ZFP3: variants seen among roughly 807,000 people sequenced by gnomAD.
ZFP3 encodes the protein ZFP3 zinc finger protein.
Under a neutral mutation model 36.7 loss-of-function variants are expected in ZFP3, and 18 were observed. That is an observed-to-expected ratio of 0.49 (90% CI 0.34 to 0.73). The LOEUF is 0.73. ZFP3 is among the 30% of genes least tolerant of loss of function. The pLI is 0.01. For synonymous variants in ZFP3, 218 were observed against 199.0 expected (o/e 1.10, Z -0.81); for missense variants, 495 against 599.0 (o/e 0.83, Z 1.81).
chr17:5,090,059 ATAAG>A (rs549102445), intron 1 of ZFP3, among the ~76,000 whole-genome samples: 71 of 152,370 alleles, frequency 4.7e-4, no homozygotes, highest in African/African-American at 1.5e-3. Context: ...TGCTATATAT[ATAAG>A]TAATAGCCAG....
At position 5,091,934 on chromosome 17, in the gene ZFP3, A is replaced by G. The variant is rs1567750128; in HGVS notation, c.430A>G (p.Lys144Glu). ...SSVGEKPHTC[K>E]ECGKAFNQNS... ...TGTGGGAGAAAAGCCTCATACATGT[A>G]AAGAATGTGGGAAAGCCTTTAATCA... is the stretch of plus-strand genomic sequence containing the variant. Residue 144 changes from lysine (K) to glutamate (E), a missense_variant, in exon 2 of 2, where the codon AAA becomes GAA. Physicochemically the swap from Lys to Glu is moderately conservative, Grantham distance 56 (BLOSUM62 1). Transcript: ENST00000318833. 1 of 1,614,212 alleles carries G rather than the reference A, an allele frequency of 6.2e-7. No homozygotes were observed. Among genetic ancestry groups the G allele is most frequent in the Non-Finnish European group, 8.5e-7 (1 of 1,180,036 alleles).
At chr17:5,079,147 T>A (rs1236940460) in intron 1 of ZFP3, among the ~76,000 whole-genome samples, 1 of 152,216 alleles carries the variant, frequency 6.6e-6, no homozygotes, top group African/African-American at 2.4e-5. Flanking sequence ...TTACAAACAG[T>A]TATCGACACC....
At chr17:5,088,267 G>A (rs2072131042) in intron 1 of ZFP3, among the ~76,000 whole-genome samples, 4 of 152,038 alleles carry the variant, frequency 2.6e-5, no homozygotes, top group Admixed American at 2.6e-4. Flanking sequence ...CAAATTGAGT[G>A]AGATCTGGGC....
At chr17:5,089,136 C>T (rs1427144186) in intron 1 of ZFP3, among the ~76,000 whole-genome samples, 1 of 152,096 alleles carries the variant, frequency 6.6e-6, no homozygotes. Flanking sequence ...GGTTTGGCCT[C>T]GTATAATAAT....
intron 1 of ZFP3, among the ~76,000 whole-genome samples, chr17:5,090,172 T>C (rs951184465): frequency 2.6e-5 from 4 of 152,216 alleles, no homozygotes; most frequent in Non-Finnish European, 5.9e-5. Context: ...AAATTTATAC[T>C]AAAGTTTACT....
chr17:5,092,057 C>A lies in ZFP3; in HGVS notation c.553C>A (p.Arg185=), dbSNP rs202200107. ...GKTFGTNSSL[R]RHLRIHAGEK... Reference sequence around the variant, plus strand: ...GACATTTGGAACTAATTCAAGCCTTCGACGGCACCTGAGAATTCATGCTGG... The same window carrying A: ...GACATTTGGAACTAATTCAAGCCTTAGACGGCACCTGAGAATTCATGCTGG... The change falls in exon 2 of 2, where the codon CGA becomes AGA. Residue 185 remains arginine (R), a synonymous_variant. Transcript: ENST00000318833. This position sits in a 1 kb window ranked among gnomAD's most constrained non-coding sequence, Gnocchi z 5.0. 1 of 1,614,016 alleles carries A rather than the reference C, an allele frequency of 6.2e-7. No individual in the cohort carries two copies. The highest frequency in any genetic ancestry group is 1.7e-5 in the Admixed American group (1 of 60,000).
At position 5,091,478 on chromosome 17, in the gene ZFP3, C is replaced by T. The variant is rs147555112; in HGVS notation, c.-8-19C>T. On this transcript the variant is annotated intron_variant, in intron 1 of 1. Coordinates refer to ENST00000318833, the MANE Select transcript of ZFP3 (RefSeq NM_153018.3). Reference sequence around the variant, plus strand: ...AAATATGATACGGTCCCTTCACATACTTACCTCTCTCATTTCAGATTGTGA... The same window carrying T: ...AAATATGATACGGTCCCTTCACATATTTACCTCTCTCATTTCAGATTGTGA... The T allele has an allele frequency of 6.5e-5, 104 of 1,606,696 alleles. No homozygotes were observed. In the African/African-American group the frequency reaches 1.2e-3, roughly 18 times the overall value.
Position 5,092,222 on chromosome 17 carries a change from C to G in ZFP3, c.718C>G (p.Leu240Val). 1 of 1,614,100 alleles carries G rather than the reference C, an allele frequency of 6.2e-7. No homozygotes were observed. The highest frequency in any genetic ancestry group is 8.5e-7 in the Non-Finnish European group (1 of 1,180,024). ...TAAAGCCTTCAGTCAAAATTCAGCC[C>G]TTATTCTACACCAGAGAATCCATAC... is the stretch of plus-strand genomic sequence containing the variant. ...CGKAFSQNSA[L>V]ILHQRIHTGE... The change falls in exon 2 of 2, where the codon CTT (leucine) becomes GTT (valine). Residue 240 changes from leucine (L) to valine (V), a missense_variant. Transcript: ENST00000318833. This position sits in a 1 kb window ranked among gnomAD's most constrained non-coding sequence, Gnocchi z 5.0.
chr17:5,096,032 T>C lies in ZFP3; in HGVS notation c.*3019T>C, dbSNP rs2072179832. 1 of 167,052 alleles carries C rather than the reference T, an allele frequency of 6.0e-6. No individual in the cohort carries two copies. Among genetic ancestry groups the C allele is most frequent in the Admixed American group, 6.5e-5 (1 of 15,270 alleles). The allele number at this position is 167,052 out of a possible 1,614,324, so 10.3% of individuals were successfully genotyped here. A position where few individuals can be genotyped will look rare whatever the true frequency, so the allele number is the denominator to read the frequency against. ...CATATACGCAAATCCTTAACCTCAA[T>C]TCTCTGTCCTCTTCATGTCTTACCC... is the stretch of plus-strand genomic sequence containing the variant. On this transcript the variant is annotated 3_prime_UTR_variant, in exon 2 of 2. Transcript: ENST00000318833.
chr17:5,082,386 C>T (rs1452406065), intron 1 of ZFP3, among the ~76,000 whole-genome samples: 3 of 152,062 alleles, frequency 2.0e-5, no homozygotes, highest in Non-Finnish European at 4.4e-5. Flanking sequence ...AAAGACACCA[C>T]TCACGCATCT....
At position 5,094,996 on chromosome 17, in the gene ZFP3, C is replaced by G. The variant is rs1275314904; in HGVS notation, c.*1983C>G. On this transcript the variant is annotated 3_prime_UTR_variant, in exon 2 of 2. Coordinates refer to ENST00000318833, the MANE Select transcript of ZFP3 (RefSeq NM_153018.3). ...AAGAGCGACAGCCAAGACTCCAAAC[C>G]TGGTTGATGCTCTTAACCACTGTGC... The G allele has an allele frequency of 6.0e-6, 1 of 167,122 alleles. No individual in the cohort carries two copies. Among genetic ancestry groups the G allele is most frequent in the African/African-American group, 2.4e-5 (1 of 41,458 alleles). 10.4% of individuals were successfully genotyped at this position (167,122 alleles called of 1,614,324 possible).
rs2072171990 is a variant in ZFP3, at chr17:5,094,833, C to T, written c.*1820C>T. The T allele has an allele frequency of 6.0e-6, 1 of 166,986 alleles. No individual in the cohort carries two copies. The highest frequency in any genetic ancestry group is 2.4e-5 in the African/African-American group (1 of 41,426). 10.3% of individuals were successfully genotyped at this position (166,986 alleles called of 1,614,324 possible). The stretch of plus-strand genomic sequence containing the variant: ...GGTATAATTTACGTACTATAAAATT[C>T]ACCTGTTTTAAGTGTTCAGTTGAAT... On this transcript the variant is annotated 3_prime_UTR_variant, in exon 2 of 2. Coordinates refer to ENST00000318833, the MANE Select transcript of ZFP3 (RefSeq NM_153018.3).
intron 1 of ZFP3, among the ~76,000 whole-genome samples, chr17:5,081,517 C>A (rs2072093266): frequency 6.6e-6 from 1 of 152,196 alleles, no homozygotes; most frequent in African/African-American, 2.4e-5. Context: ...TATGAGTGAT[C>A]TGCTTAAGAA....
Position 5,092,371 on chromosome 17 carries a change from C to T in ZFP3, c.867C>T (p.Ala289=). ...ATGAATGCAATGAGTGTGGCAAAGC[C>T]TTCAAGCATAGCTCAGGCCTTATTA... ...RYHECNECGK[A]FKHSSGLIRH... is the part of the protein sequence containing the mutation. The change falls in exon 2 of 2, where the codon GCC becomes GCT. Residue 289 remains alanine, a synonymous_variant. Coordinates refer to ENST00000318833, the MANE Select transcript of ZFP3 (RefSeq NM_153018.3). This position sits in a 1 kb window ranked among gnomAD's most constrained non-coding sequence, Gnocchi z 5.0. 6.2e-7 allele frequency: 1 copy of T among 1,614,104 alleles called. No homozygotes were observed. Among genetic ancestry groups the T allele is most frequent in the Non-Finnish European group, 8.5e-7 (1 of 1,180,036 alleles).
Position 5,096,118 on chromosome 17 carries a change from A to C in ZFP3, c.*3105A>C, listed in dbSNP as rs1293645179. On this transcript the variant is annotated 3_prime_UTR_variant, in exon 2 of 2. Transcript: ENST00000318833. Reference sequence around the variant, plus strand: ...TGCCTCCCTCTTCGACTTACTTGGGAGTCAGCATCTGACCACAGTCGTGAC... The same window carrying C: ...TGCCTCCCTCTTCGACTTACTTGGGCGTCAGCATCTGACCACAGTCGTGAC... The C allele has an allele frequency of 6.0e-6, 1 of 167,034 alleles. No homozygotes were observed. Among genetic ancestry groups the C allele is most frequent in the Admixed American group, 6.5e-5 (1 of 15,274 alleles). 10.3% of individuals were successfully genotyped at this position (167,034 alleles called of 1,614,324 possible).
At chr17:5,083,186 C>G (rs17765422) in intron 1 of ZFP3, among the ~76,000 whole-genome samples, 1 of 152,032 alleles carries the variant, frequency 6.6e-6, no homozygotes, top group Non-Finnish European at 1.5e-5. Context: ...CTGCTCGACA[C>G]CTGTGTTGAT....
At chr17:5,081,793 G>A (rs1470737981) in intron 1 of ZFP3, among the ~76,000 whole-genome samples, 3 of 151,082 alleles carry the variant, frequency 2.0e-5, no homozygotes, top group Non-Finnish European at 3.0e-5. Flanking sequence ...AGTAGAGGCG[G>A]GGTTTCACCG....
intron 1 of ZFP3, among the ~76,000 whole-genome samples, chr17:5,084,266 GCTTTTT>G (rs1221337388): frequency 3.4e-5 from 4 of 116,768 alleles, no homozygotes; most frequent in African/African-American, 1.3e-4. Flanking sequence ...TGTGAATGAG[GCTTTTT>G]TTTTTTTTTT....
intron 1 of ZFP3, among the ~76,000 whole-genome samples, chr17:5,081,093 C>CTTTTTTT (rs71367880): frequency 3.5e-5 from 5 of 141,598 alleles, no homozygotes; most frequent in Non-Finnish European, 4.5e-5. Flanking sequence ...TGTTTCTGTT[C>CTTTTTTT]TTTTTTTTTT....
Sources: gnomAD v4.1 joint callset for allele counts (sites outside exome capture counted in the v4.1 genomes callset) on GRCh38, gnomAD v4.1.1 for gene constraint, Gnocchi (gnomAD v3.1) non-coding constraint, MANE v1.5 for transcripts, NCBI Gene and HGNC (gene_info 2026-07-23, HGNC 2026-07-21) for gene names.